ADGRV1: variants seen among roughly 807,000 people sequenced by gnomAD.
The protein encoded by ADGRV1 is adhesion G protein-coupled receptor V1.
In ADGRV1, 359 loss-of-function variants were observed where a neutral mutation model predicts 596.2. That is an observed-to-expected ratio of 0.60 (90% CI 0.55 to 0.66). The LOEUF is 0.66. ADGRV1 is among the 30% of genes least tolerant of loss of function. The pLI is 0.00. For synonymous variants in ADGRV1, 2,681 were observed against 2,679.2 expected, an observed-to-expected ratio of 1.00 and a Z score of -0.02; for missense variants, 7,274 against 7,575.6, an observed-to-expected ratio of 0.96 and a Z score of 1.48.
intron 84 of ADGRV1, among the ~76,000 whole-genome samples, chr5:90,974,080 G>A (rs532870555): frequency 1.4e-3 from 220 of 152,246 alleles, no homozygotes; most frequent in Non-Finnish European, 2.7e-3. Flanking sequence ...GCCAAATCAT[G>A]AGTGAACTCC....
chr5:91,161,708 A>G (rs1796969202), intron 89 of ADGRV1, among the ~76,000 whole-genome samples: 1 of 152,122 alleles, frequency 6.6e-6, no homozygotes, highest in Non-Finnish European at 1.5e-5. Flanking sequence ...AGATAGGAGT[A>G]TTATTAAATT....
Position 90,689,988 on chromosome 5 carries a change from G to C in ADGRV1, c.6618G>C (p.Met2206Ile). 6.2e-7 allele frequency: 1 copy of C among 1,608,184 alleles called. No homozygotes were observed. Among genetic ancestry groups the C allele is most frequent in the Non-Finnish European group, 8.5e-7 (1 of 1,176,986 alleles). ...AAGAATCTTTTCTTGTGCAACTGAT[G>C]AATGAAACAACAGGAGGAGCCAGAC... ...ELEESFLVQLMNETTGGARLG... is the reference protein window; with the variant it reads ...ELEESFLVQLINETTGGARLG... The change falls in exon 30 of 90, where the codon ATG becomes ATC. Residue 2206 changes from methionine to isoleucine, a missense_variant. Physicochemically the swap from Met to Ile is conservative, Grantham distance 10. Transcript: ENST00000405460.
chr5:90,909,646 A>G (rs1772668937), intron 83 of ADGRV1, among the ~76,000 whole-genome samples: 1 of 152,154 alleles, frequency 6.6e-6, no homozygotes, highest in Non-Finnish European at 1.5e-5. Flanking sequence ...AGAGAGAGAC[A>G]GAGAGAGAGA....
At chr5:90,699,174 G>C (rs1024072502) in intron 34 of ADGRV1, among the ~76,000 whole-genome samples, 1 of 152,002 alleles carries the variant, frequency 6.6e-6, no homozygotes, top group Middle Eastern at 3.2e-3. Flanking sequence ...CTATGGGCTG[G>C]TATTTTGTAT....
Position 91,006,006 on chromosome 5 carries a change from G to C in ADGRV1, c.18152+20484G>C, listed in dbSNP as rs114199992. On this transcript the variant is annotated intron_variant, in intron 85 of 89. Coordinates refer to ENST00000405460, the MANE Select transcript of ADGRV1 (RefSeq NM_032119.4). The stretch of plus-strand genomic sequence containing the variant: ...ATTGGCCCCAACCTTCATTTTCCCA[G>C]CCTTTCATAGCCACTCATGCCTGCT... 3.7e-3 allele frequency among the ~76,000 whole-genome samples: 567 copies of C among 152,184 alleles called. 5 individuals carry two copies. Among genetic ancestry groups the C allele is most frequent in the African/African-American group, 0.013 (551 of 41,532 alleles).
chr5:90,872,891 T>C (rs2150505450), intron 83 of ADGRV1, among the ~76,000 whole-genome samples: 1 of 152,328 alleles, frequency 6.6e-6, no homozygotes, highest in Middle Eastern at 3.4e-3. Flanking sequence ...ATAGTAAGCA[T>C]GCTAGAACTA....
intron 83 of ADGRV1, among the ~76,000 whole-genome samples, chr5:90,944,871 G>A (rs114203750): frequency 1.6e-4 from 24 of 152,198 alleles, no homozygotes; most frequent in African/African-American, 5.8e-4. Context: ...TTTTATTGCT[G>A]AGAAAATGGG....
intron 75 of ADGRV1, among the ~76,000 whole-genome samples, chr5:90,821,671 T>G (rs1581230796): frequency 6.6e-6 from 1 of 151,730 alleles, no homozygotes; most frequent in Non-Finnish European, 1.5e-5. Context: ...TGGAATAGCC[T>G]GCCGTGTGAG....
intron 21 of ADGRV1, among the ~76,000 whole-genome samples, chr5:90,662,403 C>T (rs796192966): frequency 1.2e-4 from 18 of 151,946 alleles, no homozygotes; most frequent in African/African-American, 4.3e-4. Flanking sequence ...CTGTGTTAGC[C>T]AGGATGGTCT....
Position 90,704,386 on chromosome 5 carries a change from TA to T in ADGRV1, c.8287-2del. The T allele has an allele frequency of 1.3e-6, 2 of 1,548,226 alleles. No individual in the cohort carries two copies. Among genetic ancestry groups the T allele is most frequent in the Non-Finnish European group, 1.8e-6 (2 of 1,137,680 alleles). Reference sequence around the variant, plus strand: ...GGGATTGATTTCTTTCTGTATGACATAGGGGTCGTTGAATACAACATTGTTT... The same window carrying T: ...GGGATTGATTTCTTTCTGTATGACATGGGGTCGTTGAATACAACATTGTTT... On this transcript the variant is annotated splice_acceptor_variant, in intron 35 of 89. Coordinates refer to ENST00000405460, the MANE Select transcript of ADGRV1 (RefSeq NM_032119.4). LOFTEE classifies it high-confidence loss of function.
chr5:90,573,847 T>C (rs1282752212), intron 1 of ADGRV1, among the ~76,000 whole-genome samples: 1 of 152,234 alleles, frequency 6.6e-6, no homozygotes, highest in Admixed American at 6.5e-5. Flanking sequence ...TGTGTGTGTG[T>C]GCACGTGTGC....
intron 1 of ADGRV1, among the ~76,000 whole-genome samples, chr5:90,596,719 C>A (rs1760699519): frequency 6.6e-6 from 1 of 152,156 alleles, no homozygotes; most frequent in African/African-American, 2.4e-5. Flanking sequence ...AGGGCGGTTG[C>A]AGTGAGCCGA....
intron 9 of ADGRV1, among the ~76,000 whole-genome samples, chr5:90,633,626 GTA>G (rs377033956): frequency 9.3e-5 from 14 of 150,792 alleles, no homozygotes; most frequent in South Asian, 2.1e-4. Context: ...ATATATATGT[GTA>G]TATATATATA....
At chr5:90,946,597 T>C (rs1776597042) in intron 83 of ADGRV1, among the ~76,000 whole-genome samples, 1 of 152,104 alleles carries the variant, frequency 6.6e-6, no homozygotes, top group Admixed American at 6.6e-5. Flanking sequence ...CTATTTATCC[T>C]GATGCTCTCC....
At chr5:91,015,581 A>G (rs1226602147) in intron 85 of ADGRV1, among the ~76,000 whole-genome samples, 1 of 152,056 alleles carries the variant, frequency 6.6e-6, no homozygotes, top group Non-Finnish European at 1.5e-5. Flanking sequence ...GGGTGCATAT[A>G]TATTTAGGAT....
At chr5:90,638,074 A>T (rs1346437288) in intron 11 of ADGRV1, 126 bp downstream of exon 11, 3 of 634,868 alleles carry the variant, frequency 4.7e-6, no homozygotes. Flanking sequence ...ATAGTGTTAT[A>T]CTGGCCTTCA....
intron 39 of ADGRV1, among the ~76,000 whole-genome samples, chr5:90,709,879 G>C (rs1238956078): frequency 6.6e-6 from 1 of 152,156 alleles, no homozygotes; most frequent in Non-Finnish European, 1.5e-5. Context: ...CTTCTGTTGA[G>C]TGGTTTCTAA....
chr5:91,111,846 G>T (rs1792397691), intron 87 of ADGRV1, among the ~76,000 whole-genome samples: 1 of 152,144 alleles, frequency 6.6e-6, no homozygotes, highest in African/African-American at 2.4e-5. Context: ...GTTTTCTAGA[G>T]TGAGAATTCA....
Position 90,581,996 on chromosome 5 carries a change from C to T in ADGRV1, c.22+23079C>T, listed in dbSNP as rs188248466. 2.3e-4 allele frequency among the ~76,000 whole-genome samples: 35 copies of T among 151,880 alleles called. 1 individual carries two copies. Among genetic ancestry groups the T allele is most frequent in the Non-Finnish European group, 4.4e-4 (30 of 67,966 alleles). ...TTTCCATGTATTGTGTAATTTGGAG[C>T]GGTTTTGTTGGTATTGCTTTTCATT... On this transcript the variant is annotated intron_variant, in intron 1 of 89. Coordinates refer to ENST00000405460, the MANE Select transcript of ADGRV1 (RefSeq NM_032119.4).
Sources: allele counts gnomAD v4.1 joint callset (sites outside exome capture counted in the v4.1 genomes callset), GRCh38; gene constraint gnomAD v4.1.1; transcripts MANE v1.5; gene names NCBI Gene and HGNC (gene_info 2026-07-23, HGNC 2026-07-21).